NSUN7: variants seen among roughly 807,000 people sequenced by gnomAD.
The protein encoded by NSUN7 is protein NSUN7.
In NSUN7, 39 loss-of-function variants were observed where a neutral mutation model predicts 58.5. That is an observed-to-expected ratio of 0.67 (90% CI 0.52 to 0.87). NSUN7 has a LOEUF of 0.87. NSUN7 is among the 40% of genes least tolerant of loss of function. The pLI is 0.00. For missense variants in NSUN7, 765 were observed against 844.1 expected (o/e 0.91, Z 1.16); for synonymous variants, 278 against 303.7 (o/e 0.92, Z 0.88).
intron 4 of NSUN7, among the ~76,000 whole-genome samples, chr4:40,766,420 CAGGGATGA>C (rs1230983815): frequency 6.6e-6 from 1 of 151,684 alleles, no homozygotes; most frequent in Non-Finnish European, 1.5e-5. Context: ...CCTTGCATCC[CAGGGATGA>C]AGCCCACTTG....
rs1206556136 is a variant in NSUN7, at chr4:40,783,157, C to T, written c.1036+6898C>T. On this transcript the variant is annotated intron_variant, in intron 7 of 11. Transcript: ENST00000381782. ...CAGTAATCAAGAAGTGTGATGCTAG[C>T]GTAAGGGTAAATGTATAGATCAGTG... Among the ~76,000 whole-genome samples the T allele has an allele frequency of 4.6e-5, 7 of 152,186 alleles. No homozygotes were observed. The East Asian group carries it at 1.2e-3, about 25-fold the overall frequency.
At chr4:40,794,599 C>A (rs1045086645) in intron 9 of NSUN7, 123 bp downstream of exon 9, 81 of 568,852 alleles carry the variant, frequency 1.4e-4, no homozygotes, top group Admixed American at 1.3e-3. Context: ...CCAGAACATT[C>A]AGTCTTACTG....
intron 2 of NSUN7, among the ~76,000 whole-genome samples, chr4:40,759,032 G>A (rs1002265927): frequency 3.9e-5 from 6 of 152,088 alleles, no homozygotes; most frequent in African/African-American, 7.2e-5. Flanking sequence ...GTTATACGCC[G>A]GGCACGGTGG....
At chr4:40,751,110 T>G (rs1275651354) in intron 2 of NSUN7, 119 bp downstream of exon 2, 4 of 1,069,470 alleles carry the variant, frequency 3.7e-6, no homozygotes, top group South Asian at 3.2e-5. Context: ...TTTAGGCATG[T>G]GCATATCTTT....
rs528984410 is a variant in NSUN7 at position 40,810,188 on chromosome 4, TACTTG to T, written c.*1251_*1255del. Reference sequence around the variant, plus strand: ...CTCTGATATTCTATTTTTACTTTCTTACTTGAAGTGAGAAAAGAGAATGGTGAATT... The same window carrying T: ...CTCTGATATTCTATTTTTACTTTCTTAAGTGAGAAAAGAGAATGGTGAATT... On this transcript the variant is annotated 3_prime_UTR_variant, in exon 12 of 12. Coordinates refer to ENST00000381782, the MANE Select transcript of NSUN7 (RefSeq NM_024677.6). 98 of 152,352 alleles carry T rather than the reference TACTTG, an allele frequency of 6.4e-4. 1 individual carries two copies. Among genetic ancestry groups the T allele is most frequent in the Non-Finnish European group, 1.2e-3 (85 of 68,026 alleles). The allele number at this position is 152,352 out of a possible 1,614,324, so 9.4% of individuals were successfully genotyped here.
At position 40,803,825 on chromosome 4, in the gene NSUN7, C is replaced by G. The variant is rs1577587988; in HGVS notation, c.1401-3236C>G. ...ACACTTGTGGAAAAGATTATTCTCC[C>G]CTATTGAATGGTCTTGGCACCCTTG... On this transcript the variant is annotated intron_variant, in intron 10 of 11. Transcript: ENST00000381782. Among the ~76,000 whole-genome samples, 5 of 152,214 alleles carry G rather than the reference C, an allele frequency of 3.3e-5. No homozygotes were observed. The South Asian group carries it at 1.0e-3, about 32-fold the overall frequency.
At chr4:40,760,197 A>G (rs1741381350) in intron 2 of NSUN7, among the ~76,000 whole-genome samples, 2 of 152,228 alleles carry the variant, frequency 1.3e-5, no homozygotes, top group Non-Finnish European at 2.9e-5. Context: ...TTGACTATTC[A>G]GATAATGCTT....
Position 40,786,750 on chromosome 4 carries a change from T to C in NSUN7, c.1037-3852T>C, listed in dbSNP as rs1237981742. 28 of 1,511,964 alleles carry C rather than the reference T, an allele frequency of 1.9e-5. No individual in the cohort carries two copies. In the Admixed American group the frequency reaches 6.1e-4, roughly 33 times the overall value. 93.7% of individuals were successfully genotyped at this position (1,511,964 alleles called of 1,614,324 possible). ...TATTATATCTGTGTGGAGTAGGTTT[T>C]CTCTGGTCTGATTTTGACAAATAGA... On this transcript the variant is annotated intron_variant, in intron 7 of 11. Transcript: ENST00000381782.
At chr4:40,807,208 A>G in intron 11 of NSUN7, 24 bp downstream of exon 11, 1 of 1,535,904 alleles carries the variant, frequency 6.5e-7, no homozygotes, top group South Asian at 1.2e-5. Flanking sequence ...ATCCTAATCC[A>G]TGTCATACTT....
chr4:40,792,762 A>AG (rs1743150314), intron 8 of NSUN7, among the ~76,000 whole-genome samples: 1 of 113,880 alleles, frequency 8.8e-6, no homozygotes, highest in Non-Finnish European at 1.8e-5. Flanking sequence ...TTAAAAAAAA[A>AG]AAAGTTGTCG....
intron 10 of NSUN7, among the ~76,000 whole-genome samples, chr4:40,804,103 A>T (rs1053152959): frequency 6.6e-6 from 1 of 152,222 alleles, no homozygotes; most frequent in African/African-American, 2.4e-5. Flanking sequence ...CCGTTGATTT[A>T]TATGTCTATA....
rs182196934 is a variant in NSUN7 at position 40,782,430 on chromosome 4, T to G, written c.1036+6171T>G. The stretch of plus-strand genomic sequence containing the variant: ...AATACAAAAACAAATTAGCCAGGCG[T>G]GGTGGCTTATGCCTGTAGTCCCAGC... On this transcript the variant is annotated intron_variant, in intron 7 of 11. Coordinates refer to ENST00000381782, the MANE Select transcript of NSUN7 (RefSeq NM_024677.6). 2.8e-3 allele frequency among the ~76,000 whole-genome samples: 424 copies of G among 151,302 alleles called. 3 individuals are homozygous for G. Among genetic ancestry groups the G allele is most frequent in the African/African-American group, 9.6e-3 (397 of 41,170 alleles).
intron 2 of NSUN7, among the ~76,000 whole-genome samples, chr4:40,759,507 C>T (rs1458372239): frequency 6.6e-6 from 1 of 152,134 alleles, no homozygotes; most frequent in Non-Finnish European, 1.5e-5. Flanking sequence ...ATGGCTAACT[C>T]CTTGTCATTT....
At position 40,809,925 on chromosome 4, in the gene NSUN7, TG is replaced by T. The variant is rs1744102356; in HGVS notation, c.*989del. 4 of 152,234 alleles carry T rather than the reference TG, an allele frequency of 2.6e-5. No homozygotes were observed. The highest frequency in any genetic ancestry group is 2.0e-4 in the Admixed American group (3 of 15,280). 9.4% of individuals were successfully genotyped at this position (152,234 alleles called of 1,614,324 possible). On this transcript the variant is annotated 3_prime_UTR_variant, in exon 12 of 12. Coordinates refer to ENST00000381782, the MANE Select transcript of NSUN7 (RefSeq NM_024677.6). ...CAAAAATTGGTATGATTATCATTTC[TG>T]GGTCTACTGATTTTTCATCATGGCA...
At position 40,809,834 on chromosome 4, in the gene NSUN7, TG is replaced by T. The variant is rs1387099592; in HGVS notation, c.*896del. On this transcript the variant is annotated 3_prime_UTR_variant, in exon 12 of 12. Coordinates refer to ENST00000381782, the MANE Select transcript of NSUN7 (RefSeq NM_024677.6). The stretch of plus-strand genomic sequence containing the variant: ...ATTTCTGAGGCACAATTAAATATAT[TG>T]TAGCACTATGTTAATTAATTATATT... 1.3e-5 allele frequency: 2 copies of T among 152,204 alleles called. No homozygotes were observed. Among genetic ancestry groups the T allele is most frequent in the Non-Finnish European group, 2.9e-5 (2 of 68,032 alleles). The allele number at this position is 152,204 out of a possible 1,614,324, so 9.4% of individuals were successfully genotyped here.
intron 2 of NSUN7, 148 bp from the exon 3 acceptor site, chr4:40,760,286 C>A (rs1741385196): frequency 1.5e-6 from 1 of 654,152 alleles, no homozygotes; most frequent in Non-Finnish European, 2.7e-6. Flanking sequence ...CATCATGTCA[C>A]TGTAATTTAA....
At chr4:40,792,655 G>A (rs1299669531) in intron 8 of NSUN7, among the ~76,000 whole-genome samples, 2 of 152,156 alleles carry the variant, frequency 1.3e-5, no homozygotes. Context: ...GGAGGCTGAG[G>A]CAGGAGAATG....
intron 4 of NSUN7, among the ~76,000 whole-genome samples, chr4:40,766,454 C>G (rs1280329896): frequency 6.6e-6 from 1 of 151,736 alleles, no homozygotes; most frequent in Non-Finnish European, 1.5e-5. Context: ...GGTGGATAAG[C>G]TTTTTGATGT....
chr4:40,803,699 C>T (rs1186131303), intron 10 of NSUN7, among the ~76,000 whole-genome samples: 2 of 152,192 alleles, frequency 1.3e-5, no homozygotes, highest in Non-Finnish European at 2.9e-5. Flanking sequence ...AATATTAATA[C>T]ATTCACGAAG....
Sources: allele counts gnomAD v4.1 joint callset (sites outside exome capture counted in the v4.1 genomes callset), GRCh38; gene constraint gnomAD v4.1.1; transcripts MANE v1.5; gene names NCBI Gene and HGNC (gene_info 2026-07-23, HGNC 2026-07-21).